Variants in GABRG3 observed in about 807,000 individuals in gnomAD.
GABRG3 encodes gamma-aminobutyric acid type A receptor subunit gamma3.
A neutral mutation model predicts 48.8 loss-of-function variants in GABRG3; 25 were observed. The ratio of observed to expected loss-of-function variants is 0.51; its 90% confidence interval spans 0.37 to 0.72. GABRG3 has a LOEUF of 0.72. Ranked by LOEUF, GABRG3 falls within the 30% of genes least tolerant of loss-of-function variation. The pLI is 0.00. For synonymous variants in GABRG3, 227 were observed against 217.6 expected (o/e 1.04, Z -0.38); for missense variants, 394 against 577.9 (o/e 0.68, Z 3.26).
intron 3 of GABRG3, among the ~76,000 whole-genome samples, chr15:27,253,915 G>A (rs1383519001): frequency 1.3e-5 from 2 of 152,220 alleles, no homozygotes; most frequent in East Asian, 1.9e-4. Context: ...ACTGGCTGGT[G>A]ATATTTTAAA....
chr15:27,343,747 G>A (rs376307895), intron 5 of GABRG3, among the ~76,000 whole-genome samples: 1 of 152,168 alleles, frequency 6.6e-6, no homozygotes, highest in African/African-American at 2.4e-5. Flanking sequence ...TTCTAAAGCC[G>A]TGTCTCAAAG....
intron 3 of GABRG3, among the ~76,000 whole-genome samples, chr15:27,178,107 G>A (rs1294520891): frequency 6.6e-6 from 1 of 152,172 alleles, no homozygotes; most frequent in African/African-American, 2.4e-5. Context: ...GCACAGGGAT[G>A]TGCACAGGTG....
At chr15:27,475,133 A>C (rs1889898795) in intron 5 of GABRG3, among the ~76,000 whole-genome samples, 3 of 152,106 alleles carry the variant, frequency 2.0e-5, no homozygotes, top group Admixed American at 2.0e-4. Flanking sequence ...CCATCTCAAA[A>C]AAAATCTGTC....
chr15:27,516,308 G>A (rs1210353156), intron 6 of GABRG3, among the ~76,000 whole-genome samples: 1 of 152,116 alleles, frequency 6.6e-6, no homozygotes, highest in Non-Finnish European at 1.5e-5. Flanking sequence ...TATGTTCTCT[G>A]AGAAACATGG....
intron 8 of GABRG3, 76 bp downstream of exon 8, chr15:27,527,705 T>A: frequency 7.4e-7 from 1 of 1,342,336 alleles, no homozygotes; most frequent in South Asian, 1.3e-5. Flanking sequence ...TAAATGCAGT[T>A]GTATTCCTAA....
chr15:27,404,957 T>TGG (rs1395898074), intron 5 of GABRG3, among the ~76,000 whole-genome samples: 1 of 152,178 alleles, frequency 6.6e-6, no homozygotes, highest in Non-Finnish European at 1.5e-5. Flanking sequence ...AGTCAGGGTG[T>TGG]GGAGAGTCAA....
chr15:27,264,386 A>G (rs1173674708), intron 3 of GABRG3, among the ~76,000 whole-genome samples: 3 of 152,166 alleles, frequency 2.0e-5, no homozygotes, highest in Non-Finnish European at 4.4e-5. Flanking sequence ...CAAAAATATT[A>G]GTTTATCCCC....
chr15:27,354,556 G>T (rs1894773982), intron 5 of GABRG3, among the ~76,000 whole-genome samples: 2 of 152,170 alleles, frequency 1.3e-5, no homozygotes, highest in Admixed American at 6.5e-5. Context: ...GCATTCACCA[G>T]GGGCCTGAGG....
rs1212876727 is a variant in GABRG3, at chr15:26,976,545, A to C, written c.54-457A>C. Among the ~76,000 whole-genome samples, 1 of 151,666 alleles carries C rather than the reference A, an allele frequency of 6.6e-6. No homozygotes were observed. Among genetic ancestry groups the C allele is most frequent in the Non-Finnish European group, 1.5e-5 (1 of 67,948 alleles). On this transcript the variant is annotated intron_variant, in intron 1 of 9. Transcript: ENST00000615808. The surrounding 1 kb of genome is among the most constrained non-coding windows in gnomAD (Gnocchi z 7.8). ...AGACTCAACTATTTTGAATGAGTCC[A>C]CTCTGCAAAAGCTAATCTCACCTTC...
chr15:27,436,095 T>C (rs913146858), intron 5 of GABRG3, among the ~76,000 whole-genome samples: 1 of 152,204 alleles, frequency 6.6e-6, no homozygotes, highest in Admixed American at 6.5e-5. Context: ...GCTGCTACAG[T>C]AGAATACCAA....
intron 6 of GABRG3, among the ~76,000 whole-genome samples, chr15:27,506,427 C>G (rs539494108): frequency 6.6e-6 from 1 of 152,080 alleles, no homozygotes; most frequent in African/African-American, 2.4e-5. Context: ...TAAATAAGAA[C>G]GCTGCCATAT....
intron 3 of GABRG3, among the ~76,000 whole-genome samples, chr15:27,065,630 A>C (rs1301696871): frequency 6.6e-6 from 1 of 152,156 alleles, no homozygotes; most frequent in East Asian, 1.9e-4. Flanking sequence ...GTTTTGATAA[A>C]AGATGTGTAG....
intron 3 of GABRG3, among the ~76,000 whole-genome samples, chr15:27,111,570 G>A (rs1897549958): frequency 6.6e-6 from 1 of 152,138 alleles, no homozygotes; most frequent in African/African-American, 2.4e-5. Context: ...TCTGTAAGTA[G>A]CAGAGCTTCA....
intron 3 of GABRG3, among the ~76,000 whole-genome samples, chr15:27,113,171 T>C (rs1168298901): frequency 6.6e-6 from 1 of 152,178 alleles, no homozygotes; most frequent in Admixed American, 6.5e-5. Flanking sequence ...TTCCAACAGT[T>C]ATTTTTTTTC....
At chr15:26,992,998 A>G (rs931645817) in intron 2 of GABRG3, among the ~76,000 whole-genome samples, 18 of 152,074 alleles carry the variant, frequency 1.2e-4, no homozygotes, top group Non-Finnish European at 2.9e-5. Context: ...ATTTATTCAC[A>G]TATAGTTGAT....
intron 3 of GABRG3, among the ~76,000 whole-genome samples, chr15:27,206,598 A>G (rs1888859406): frequency 6.6e-6 from 1 of 152,134 alleles, no homozygotes; most frequent in African/African-American, 2.4e-5. Flanking sequence ...TTATCCCGAG[A>G]TCTTCGTTAG....
chr15:27,468,969 C>A (rs755050083), intron 5 of GABRG3, among the ~76,000 whole-genome samples: 2 of 152,184 alleles, frequency 1.3e-5, no homozygotes, highest in Non-Finnish European at 2.9e-5. Flanking sequence ...ATGATAAATT[C>A]TTAGTTGAGC....
intron 3 of GABRG3, among the ~76,000 whole-genome samples, chr15:27,088,632 C>T (rs1897129537): frequency 6.6e-6 from 1 of 152,058 alleles, no homozygotes; most frequent in Non-Finnish European, 1.5e-5. Context: ...TGGTGGAAGG[C>T]GAGGGGGAAG....
At chr15:27,155,888 C>T (rs1326826199) in intron 3 of GABRG3, among the ~76,000 whole-genome samples, 1 of 152,080 alleles carries the variant, frequency 6.6e-6, no homozygotes, top group Non-Finnish European at 1.5e-5. Context: ...GGATGGATGC[C>T]TTATTGTAGC....
Sources: gnomAD v4.1 joint callset for allele counts (sites outside exome capture counted in the v4.1 genomes callset) on GRCh38, gnomAD v4.1.1 for gene constraint, Gnocchi (gnomAD v3.1) non-coding constraint, MANE v1.5 for transcripts, NCBI Gene and HGNC (gene_info 2026-07-23, HGNC 2026-07-21) for gene names.